PPP2R3A: variants seen among roughly 807,000 people sequenced by gnomAD.
The protein encoded by PPP2R3A is serine/threonine-protein phosphatase 2A regulatory subunit B'' subunit alpha.
Under a neutral mutation model 106.9 loss-of-function variants are expected in PPP2R3A, and 80 were observed. The observed-to-expected ratio is 0.75, with a 90% CI of 0.62 to 0.90. The LOEUF (loss-of-function observed/expected upper bound fraction) is 0.90. Among genes scored for constraint, PPP2R3A ranks in the 40% least tolerant of loss-of-function variants. The probability of loss-of-function intolerance (pLI) is 0.00; values close to 1 mark genes in which losing one functional copy is unlikely to be tolerated. For synonymous variants in PPP2R3A, 483 were observed against 468.3 expected (o/e 1.03, Z -0.41); for missense variants, 1,386 against 1,350.4 (o/e 1.03, Z -0.41).
intron 11 of PPP2R3A, among the ~76,000 whole-genome samples, 160 bp downstream of exon 11, chr3:136,102,342 C>CTTTTTTTTT: frequency 8.6e-6 from 1 of 116,034 alleles, no homozygotes; most frequent in Non-Finnish European, 1.8e-5. Context: ...AGTGTAGCAA[C>CTTTTTTTTT]TTTTTTTTTT....
chr3:136,131,413 T>C (rs1299458570), intron 13 of PPP2R3A, among the ~76,000 whole-genome samples: 3 of 152,224 alleles, frequency 2.0e-5, no homozygotes, highest in African/African-American at 4.8e-5. Flanking sequence ...CATGAAAAAA[T>C]GCTCATCATC....
chr3:136,051,052 A>G (rs1935668390), intron 5 of PPP2R3A, among the ~76,000 whole-genome samples: 1 of 152,198 alleles, frequency 6.6e-6, no homozygotes, highest in African/African-American at 2.4e-5. Context: ...TCAGTTACAT[A>G]TCAGTATTGC....
intron 4 of PPP2R3A, among the ~76,000 whole-genome samples, chr3:136,045,135 C>T (rs1264994134): frequency 6.6e-6 from 1 of 152,234 alleles, no homozygotes; most frequent in Non-Finnish European, 1.5e-5. Context: ...CCCCTGTCCA[C>T]CAGCCCCTCC....
chr3:136,108,758 A>C (rs111804529), intron 13 of PPP2R3A, among the ~76,000 whole-genome samples: 5 of 152,114 alleles, frequency 3.3e-5, no homozygotes, highest in African/African-American at 9.7e-5. Flanking sequence ...TAAATAAATA[A>C]ATAAATCAGC....
chr3:136,089,205 T>G (rs191079516), intron 9 of PPP2R3A, among the ~76,000 whole-genome samples: 2 of 152,186 alleles, frequency 1.3e-5, no homozygotes, highest in South Asian at 4.1e-4. Flanking sequence ...CTAGAATTGT[T>G]ATAGTTTCAG....
chr3:135,989,085 G>A (rs1933052374), intron 1 of PPP2R3A, among the ~76,000 whole-genome samples: 1 of 152,084 alleles, frequency 6.6e-6, no homozygotes, highest in East Asian at 1.9e-4. Context: ...CTGTGGAAAT[G>A]CTTTTTCAAA....
At chr3:136,056,845 T>G (rs1413946728) in intron 5 of PPP2R3A, among the ~76,000 whole-genome samples, 1 of 152,024 alleles carries the variant, frequency 6.6e-6, no homozygotes, top group East Asian at 1.9e-4. Flanking sequence ...GGTGTTAATA[T>G]CCAAAATTTG....
intron 13 of PPP2R3A, among the ~76,000 whole-genome samples, chr3:136,120,309 C>T (rs898909009): frequency 2.6e-5 from 4 of 152,062 alleles, no homozygotes; most frequent in Non-Finnish European, 5.9e-5. Context: ...AGCCTCTGGT[C>T]GGGTGCAGTG....
In PPP2R3A at chr3:136,040,857, A is replaced by C; in HGVS notation, c.2263-2A>C. The C allele has an allele frequency of 6.2e-7, 1 of 1,609,646 alleles. No individual in the cohort carries two copies. The highest frequency in any genetic ancestry group is 8.5e-7 in the Non-Finnish European group (1 of 1,178,162). On this transcript the variant is annotated splice_acceptor_variant, in intron 3 of 13. Coordinates refer to ENST00000264977, the MANE Select transcript of PPP2R3A (RefSeq NM_002718.5). LOFTEE classifies it high-confidence loss of function. The stretch of plus-strand genomic sequence containing the variant: ...TACCCTGTATGTGTTTTCTATTTGC[A>C]GGTCTGTGGCTGTCCTCTCTATTGG...
intron 13 of PPP2R3A, among the ~76,000 whole-genome samples, chr3:136,136,086 A>T: frequency 8.1e-6 from 1 of 123,536 alleles, no homozygotes; most frequent in Non-Finnish European, 1.8e-5. Context: ...ATATATATAT[A>T]TATATATAAA....
intron 2 of PPP2R3A, 35 bp downstream of exon 2, chr3:136,003,528 TTAA>T: frequency 1.3e-6 from 2 of 1,507,212 alleles, no homozygotes; most frequent in Non-Finnish European, 1.8e-6. Context: ...TAGGAACTCT[TTAA>T]AAAATGTTTA....
At position 136,045,710 on chromosome 3, in the gene PPP2R3A, C is replaced by A. The variant is rs151213140; in HGVS notation, c.2367-3549C>A. 4.4e-4 allele frequency among the ~76,000 whole-genome samples: 67 copies of A among 152,286 alleles called. No individual in the cohort carries two copies. The East Asian group carries it at 0.013, about 29-fold the overall frequency. On this transcript the variant is annotated intron_variant, in intron 4 of 13. Transcript: ENST00000264977. ...AGGCAGCATCACCCTACCCAGGGAT[C>A]CCTCACCCTTGACCTACTGCATGAA...
chr3:135,988,742 T>A (rs1397099590), intron 1 of PPP2R3A, among the ~76,000 whole-genome samples: 2 of 152,212 alleles, frequency 1.3e-5, no homozygotes, highest in Non-Finnish European at 2.9e-5. Context: ...ATCCATACTA[T>A]GAATTTCTCT....
At chr3:136,140,859 G>A (rs1230356128) in intron 13 of PPP2R3A, among the ~76,000 whole-genome samples, 5 of 152,110 alleles carry the variant, frequency 3.3e-5, no homozygotes, top group South Asian at 4.1e-4. Context: ...GCAGTGAGCC[G>A]AGATCACGCC....
At chr3:135,999,425 T>C (rs1410165155) in intron 1 of PPP2R3A, among the ~76,000 whole-genome samples, 1 of 152,160 alleles carries the variant, frequency 6.6e-6, no homozygotes, top group Non-Finnish European at 1.5e-5. Context: ...AAATAGTGGA[T>C]TAGATTCCAT....
chr3:135,978,048 CTG>C (rs1350892956), intron 1 of PPP2R3A, among the ~76,000 whole-genome samples: 1 of 152,088 alleles, frequency 6.6e-6, no homozygotes, highest in African/African-American at 2.4e-5. Flanking sequence ...ATTTTTAAAA[CTG>C]TATGATTAAA....
intron 10 of PPP2R3A, among the ~76,000 whole-genome samples, chr3:136,100,624 C>G (rs1937337005): frequency 6.6e-6 from 1 of 151,936 alleles, no homozygotes; most frequent in East Asian, 1.9e-4. Flanking sequence ...GGTTGCGGTG[C>G]CAAGATCACA....
At chr3:136,101,692 C>G (rs1937364100) in intron 10 of PPP2R3A, among the ~76,000 whole-genome samples, 1 of 152,140 alleles carries the variant, frequency 6.6e-6, no homozygotes, top group Non-Finnish European at 1.5e-5. Context: ...TCCCAAAGTG[C>G]TGGGATTACA....
chr3:136,048,641 C>T (rs936187483), intron 4 of PPP2R3A, among the ~76,000 whole-genome samples: 4 of 149,252 alleles, frequency 2.7e-5, no homozygotes, highest in African/African-American at 5.0e-5. Context: ...CACTGCACTC[C>T]AGCCTGGGTG....
Sources: gnomAD v4.1 joint callset for allele counts (sites outside exome capture counted in the v4.1 genomes callset) on GRCh38, gnomAD v4.1.1 for gene constraint, MANE v1.5 for transcripts, NCBI Gene and HGNC (gene_info 2026-07-23, HGNC 2026-07-21) for gene names.